The following TAFA1 variants were observed in gnomAD, a reference collection of about 807,000 sequenced individuals.
TAFA1 encodes the protein chemokine-like protein TAFA-1.
In TAFA1, 4 loss-of-function variants were observed where a neutral mutation model predicts 18.5. The observed-to-expected ratio is 0.22, with a 90% confidence interval of 0.11 to 0.49. The LOEUF (loss-of-function observed/expected upper bound fraction) is 0.49, where lower values mean the gene tolerates loss of function less well. Among genes scored for constraint, TAFA1 ranks in the 20% least tolerant of loss-of-function variants. The probability of loss-of-function intolerance (pLI) is 0.98; values close to 1 mark genes in which losing one functional copy is unlikely to be tolerated. For synonymous variants in TAFA1, 56 were observed against 55.2 expected (o/e 1.01, Z -0.06); for missense variants, 147 against 169.0 (o/e 0.87, Z 0.72).
chr3:68,180,732 T>C (rs577438358), intron 2 of TAFA1, among the ~76,000 whole-genome samples: 3 of 148,290 alleles, frequency 2.0e-5, no homozygotes, highest in Non-Finnish European at 4.6e-5. Flanking sequence ...ATGTGTGTGG[T>C]CACCAGAATA....
chr3:68,346,910 A>G (rs1039125429), intron 2 of TAFA1, among the ~76,000 whole-genome samples: 2 of 152,202 alleles, frequency 1.3e-5, no homozygotes, highest in African/African-American at 2.4e-5. Flanking sequence ...TAGAAACAGT[A>G]TCATGACATA....
chr3:68,366,478 T>C (rs2069575113), intron 2 of TAFA1, among the ~76,000 whole-genome samples: 1 of 152,218 alleles, frequency 6.6e-6, no homozygotes, highest in South Asian at 2.1e-4. Context: ...TTACACAATG[T>C]AGTGTTGATT....
At chr3:68,112,624 C>G (rs935236279) in intron 2 of TAFA1, among the ~76,000 whole-genome samples, 3 of 151,150 alleles carry the variant, frequency 2.0e-5, no homozygotes, top group African/African-American at 7.3e-5. Flanking sequence ...TATCCTTGGC[C>G]CTAGATAGTT....
At chr3:68,042,937 G>T (rs1223483380) in intron 2 of TAFA1, among the ~76,000 whole-genome samples, 4 of 152,040 alleles carry the variant, frequency 2.6e-5, no homozygotes. Flanking sequence ...ACCCAGGCTG[G>T]AGTGCAGTGG....
At chr3:68,465,832 G>T (rs560707506) in intron 3 of TAFA1, among the ~76,000 whole-genome samples, 3 of 149,828 alleles carry the variant, frequency 2.0e-5, no homozygotes, top group South Asian at 2.2e-4. Context: ...TGTTTGCTAG[G>T]AAATTATGTA....
At chr3:68,018,345 T>G (rs1460900142) in intron 2 of TAFA1, among the ~76,000 whole-genome samples, 1 of 152,174 alleles carries the variant, frequency 6.6e-6, no homozygotes. Flanking sequence ...TATTGTTATC[T>G]TTGTGCAATG....
At chr3:68,150,569 A>G (rs191977079) in intron 2 of TAFA1, among the ~76,000 whole-genome samples, 146 of 152,254 alleles carry the variant, frequency 9.6e-4, no homozygotes, top group African/African-American at 3.3e-3. Flanking sequence ...GACTGGTACT[A>G]GTGGGTTCTT....
intron 2 of TAFA1, among the ~76,000 whole-genome samples, chr3:68,068,433 G>A (rs890899785): frequency 6.6e-6 from 1 of 152,172 alleles, no homozygotes; most frequent in South Asian, 2.1e-4. Flanking sequence ...CTGCTTTTCT[G>A]AGGCTTGAGA....
intron 2 of TAFA1, among the ~76,000 whole-genome samples, chr3:68,124,001 G>A (rs148265110): frequency 6.7e-6 from 1 of 149,672 alleles, no homozygotes; most frequent in Non-Finnish European, 1.5e-5. Context: ...CCTCAGGTCA[G>A]ACCATTGGAC....
intron 2 of TAFA1, among the ~76,000 whole-genome samples, chr3:68,325,140 TAGA>T (rs1374409422): frequency 6.6e-6 from 1 of 152,182 alleles, no homozygotes; most frequent in Non-Finnish European, 1.5e-5. Context: ...ATCATTGCAA[TAGA>T]AGAAGTAGTC....
intron 3 of TAFA1, among the ~76,000 whole-genome samples, chr3:68,420,091 G>T (rs2070925232): frequency 6.6e-6 from 1 of 152,160 alleles, no homozygotes; most frequent in South Asian, 2.1e-4. Context: ...TTCAGGGCAT[G>T]AATATATTTG....
intron 2 of TAFA1, among the ~76,000 whole-genome samples, chr3:68,220,380 G>A (rs2066714572): frequency 6.6e-6 from 1 of 152,114 alleles, no homozygotes; most frequent in South Asian, 2.1e-4. Flanking sequence ...CATTTATGCT[G>A]AGCCTGGAAT....
At chr3:68,125,387 T>C (rs1013990218) in intron 2 of TAFA1, among the ~76,000 whole-genome samples, 3 of 152,262 alleles carry the variant, frequency 2.0e-5, no homozygotes, top group Non-Finnish European at 1.5e-5. Context: ...TTATTACAAG[T>C]GCTACTGCTG....
chr3:68,469,446 G>A (rs1001446357), intron 3 of TAFA1, among the ~76,000 whole-genome samples: 6 of 152,120 alleles, frequency 3.9e-5, no homozygotes, highest in East Asian at 1.9e-4. Context: ...AGGCCAAAGC[G>A]GGTGGATCAC....
chr3:68,015,174 T>C (rs1264007156), intron 2 of TAFA1, among the ~76,000 whole-genome samples: 1 of 152,188 alleles, frequency 6.6e-6, no homozygotes, highest in Non-Finnish European at 1.5e-5. Context: ...GTAAGCTAAA[T>C]GGTATTACTG....
intron 2 of TAFA1, chr3:68,145,483 A>T: frequency 1.1e-6 from 1 of 905,290 alleles, no homozygotes; most frequent in Non-Finnish European, 1.9e-6. Flanking sequence ...CCACCACAAG[A>T]ATGGTTCTGC....
At chr3:68,325,103 A>G (rs13064625) in intron 2 of TAFA1, among the ~76,000 whole-genome samples, 21,332 of 152,184 alleles carry the variant, frequency 0.14, 1,842 homozygotes, top group East Asian at 0.38. Flanking sequence ...TCTTCAATTT[A>G]TTCACAAAAA....
chr3:68,457,554 C>G (rs905803997), intron 3 of TAFA1, among the ~76,000 whole-genome samples: 2 of 152,090 alleles, frequency 1.3e-5, no homozygotes, highest in Non-Finnish European at 2.9e-5. Flanking sequence ...AACTGTATAT[C>G]AACTACAACA....
At chr3:68,526,231 C>A (rs2073110244) in intron 3 of TAFA1, among the ~76,000 whole-genome samples, 1 of 152,132 alleles carries the variant, frequency 6.6e-6, no homozygotes, top group South Asian at 2.1e-4. Flanking sequence ...TAATCTAATC[C>A]ATTTAGAAAA....
Sources: allele counts gnomAD v4.1 joint callset (sites outside exome capture counted in the v4.1 genomes callset), GRCh38; gene constraint gnomAD v4.1.1; transcripts MANE v1.5; gene names NCBI Gene and HGNC (gene_info 2026-07-23, HGNC 2026-07-21).